The following LINGO2 variants were observed in gnomAD, a reference collection of about 807,000 sequenced individuals.
LINGO2 encodes leucine rich repeat and Ig domain containing 2, also known as leucine-rich repeat and immunoglobulin-like domain-containing nogo receptor-interacting protein 2.
In LINGO2, 14 loss-of-function variants were observed where a neutral mutation model predicts 30.6. The observed-to-expected ratio is 0.46, with a 90% CI of 0.30 to 0.72. LINGO2 has a LOEUF of 0.72. Ranked by LOEUF, LINGO2 falls within the 30% of genes least tolerant of loss-of-function variation. The pLI, the probability that LINGO2 is intolerant of heterozygous loss-of-function variation, is 0.07. For synonymous variants in LINGO2, 317 were observed against 288.5 expected (o/e 1.10, Z -1.00); for missense variants, 729 against 751.7 (o/e 0.97, Z 0.35).
intron 1 of LINGO2, among the ~76,000 whole-genome samples, chr9:28,529,606 CTTTTTTTT>C (rs201066699): frequency 8.0e-6 from 1 of 125,304 alleles, no homozygotes; most frequent in Non-Finnish European, 1.7e-5. Context: ...ATTGCAAATA[CTTTTTTTT>C]TTTTTTTTTT....
At chr9:28,556,660 T>G (rs1822717316) in intron 1 of LINGO2, among the ~76,000 whole-genome samples, 1 of 152,060 alleles carries the variant, frequency 6.6e-6, no homozygotes, top group South Asian at 2.1e-4. Context: ...AAAGTTCATA[T>G]GGAACCAAAA....
At chr9:28,485,878 A>G (rs1158882826) in intron 1 of LINGO2, among the ~76,000 whole-genome samples, 1 of 152,082 alleles carries the variant, frequency 6.6e-6, no homozygotes, top group African/African-American at 2.4e-5. Context: ...TACTCAGAAG[A>G]TATAAGTGGA....
intron 2 of LINGO2, among the ~76,000 whole-genome samples, chr9:28,470,185 AATG>A: frequency 6.6e-6 from 1 of 152,298 alleles, no homozygotes; most frequent in Non-Finnish European, 1.5e-5. Context: ...GCTATACAAT[AATG>A]AGAGTGTATT....
the LINGO2 span, among the ~76,000 whole-genome samples, chr9:28,911,624 T>C: frequency 1.3e-5 from 2 of 152,104 alleles, no homozygotes; most frequent in African/African-American, 4.8e-5. Context: ...CAATTTAATA[T>C]AGAGTTAAGT....
rs186528601 is a variant in LINGO2, at chr9:28,560,849, G to A, written c.-364-84824C>T. ...GCTTGGCTAATTTGTGTGTGTGTGTGTTTTTGGTAGAGATGGGGTTTCTCC... is the reference window on the plus strand; with the variant it reads ...GCTTGGCTAATTTGTGTGTGTGTGTATTTTTGGTAGAGATGGGGTTTCTCC... On this transcript the variant is annotated intron_variant, in intron 1 of 5. Coordinates refer to ENST00000379992, the Ensembl canonical transcript of LINGO2. 1.3e-3 allele frequency among the ~76,000 whole-genome samples: 199 copies of A among 151,792 alleles called. 2 individuals carry two copies. The highest frequency in any genetic ancestry group is 3.4e-3 in the Middle Eastern group (1 of 294).
chr9:28,886,125 TTAAC>T, the LINGO2 span, among the ~76,000 whole-genome samples: 1 of 152,190 alleles, frequency 6.6e-6, no homozygotes, highest in Admixed American at 6.5e-5. Flanking sequence ...TTTTCATAAA[TTAAC>T]TAAATCAACG....
chr9:28,828,801 T>C, the LINGO2 span, among the ~76,000 whole-genome samples: 1 of 152,088 alleles, frequency 6.6e-6, no homozygotes, highest in Non-Finnish European at 1.5e-5. Flanking sequence ...ATTTGAAAAC[T>C]GCCTTCAAGT....
chr9:28,765,065 A>C, the LINGO2 span, among the ~76,000 whole-genome samples: 1 of 152,068 alleles, frequency 6.6e-6, no homozygotes, highest in Non-Finnish European at 1.5e-5. Flanking sequence ...AAATGTTCAT[A>C]CTACCTAAAG....
At chr9:29,133,705 A>G in the LINGO2 span, among the ~76,000 whole-genome samples, 2 of 152,158 alleles carry the variant, frequency 1.3e-5, no homozygotes, top group South Asian at 4.1e-4. Context: ...ATAGCTCCAC[A>G]TTAACTTCTA....
the LINGO2 span, among the ~76,000 whole-genome samples, chr9:29,169,971 G>GC: frequency 0.098 from 14,958 of 151,996 alleles, 993 homozygotes; most frequent in African/African-American, 0.19. Flanking sequence ...CTCCAGCCTG[G>GC]GACAGAGCAA....
chr9:28,737,182 C>CAA, the LINGO2 span, among the ~76,000 whole-genome samples: 2 of 152,126 alleles, frequency 1.3e-5, no homozygotes, highest in Admixed American at 1.3e-4. Flanking sequence ...CATAAACAGA[C>CAA]AGAGTGAAAT....
At chr9:28,174,590 C>A (rs142021795) in intron 4 of LINGO2, among the ~76,000 whole-genome samples, 4 of 152,098 alleles carry the variant, frequency 2.6e-5, no homozygotes, top group African/African-American at 9.7e-5. Context: ...TTAGACATAA[C>A]CACATATAGG....
chr9:28,331,208 T>C (rs1306410769), intron 3 of LINGO2, among the ~76,000 whole-genome samples: 1 of 152,092 alleles, frequency 6.6e-6, no homozygotes, highest in Non-Finnish European at 1.5e-5. Flanking sequence ...ACATTATTAA[T>C]TAAAAATAAC....
chr9:29,188,500 G>A, the LINGO2 span, among the ~76,000 whole-genome samples: 1 of 151,830 alleles, frequency 6.6e-6, no homozygotes, highest in Non-Finnish European at 1.5e-5. Flanking sequence ...AAACCGCCCC[G>A]ATTTCTCAAT....
At chr9:28,889,198 A>C in the LINGO2 span, among the ~76,000 whole-genome samples, 3 of 152,126 alleles carry the variant, frequency 2.0e-5, no homozygotes, top group Admixed American at 1.3e-4. Flanking sequence ...AGAGTGATAA[A>C]TAATTTCTTG....
At chr9:27,961,041 C>T (rs375476457) in intron 5 of LINGO2, among the ~76,000 whole-genome samples, 1 of 152,126 alleles carries the variant, frequency 6.6e-6, no homozygotes, top group African/African-American at 2.4e-5. Flanking sequence ...TCAGCAGAAA[C>T]TGTATTCTGA....
At chr9:29,107,310 T>G in the LINGO2 span, among the ~76,000 whole-genome samples, 1 of 152,172 alleles carries the variant, frequency 6.6e-6, no homozygotes, top group African/African-American at 2.4e-5. Context: ...TTTCTCTATA[T>G]TACATAAGTA....
intron 1 of LINGO2, among the ~76,000 whole-genome samples, chr9:28,550,125 C>A (rs1231603339): frequency 6.6e-6 from 1 of 151,946 alleles, no homozygotes; most frequent in Admixed American, 6.6e-5. Flanking sequence ...TCTCAGAAAG[C>A]TGTGCATTAT....
At chr9:28,989,024 A>G in the LINGO2 span, among the ~76,000 whole-genome samples, 2 of 152,142 alleles carry the variant, frequency 1.3e-5, no homozygotes, top group Non-Finnish European at 2.9e-5. Context: ...TTAATTATAT[A>G]TTTTTAAATT....
Sources: allele counts gnomAD v4.1 joint callset (sites outside exome capture counted in the v4.1 genomes callset), GRCh38; gene constraint gnomAD v4.1.1; transcripts MANE v1.5; gene names NCBI Gene and HGNC (gene_info 2026-07-23, HGNC 2026-07-21).